TNFRSF19: variants seen among roughly 807,000 people sequenced by gnomAD.
TNFRSF19 encodes tumor necrosis factor receptor superfamily member 19.
A neutral mutation model predicts 46.4 loss-of-function variants in TNFRSF19; 27 were observed. The observed-to-expected ratio is 0.58, with a 90% CI of 0.43 to 0.80. The LOEUF (loss-of-function observed/expected upper bound fraction) is 0.80. Ranked by LOEUF, TNFRSF19 falls within the 30% of genes least tolerant of loss-of-function variation. The pLI is 0.00. For synonymous variants in TNFRSF19, 204 were observed against 205.0 expected (o/e 1.00, Z 0.04); for missense variants, 511 against 530.8 (o/e 0.96, Z 0.37).
chr13:23,655,339 C>A (rs1384404263), intron 5 of TNFRSF19, among the ~76,000 whole-genome samples: 2 of 152,182 alleles, frequency 1.3e-5, no homozygotes, highest in Admixed American at 1.3e-4. Flanking sequence ...AATCCTTGCT[C>A]TGAAGTAAAT....
chr13:23,614,019 G>C (rs1881079295), intron 3 of TNFRSF19, among the ~76,000 whole-genome samples: 1 of 152,150 alleles, frequency 6.6e-6, no homozygotes, highest in African/African-American at 2.4e-5. Flanking sequence ...CCCCTCCTCT[G>C]AAAGAGATAA....
chr13:23,571,078 C>A (rs539589554), intron 1 of TNFRSF19, among the ~76,000 whole-genome samples: 1 of 152,248 alleles, frequency 6.6e-6, no homozygotes, highest in Admixed American at 6.5e-5. Context: ...GTCTGTCATA[C>A]AAATTTTACT....
In TNFRSF19 at chr13:23,659,918, G is replaced by A. The variant is rs150670961; in HGVS notation, c.611-447G>A. Among the ~76,000 whole-genome samples the A allele has an allele frequency of 6.4e-3, 981 of 152,258 alleles. 15 individuals are homozygous for A. Among genetic ancestry groups the A allele is most frequent in the African/African-American group, 0.022 (934 of 41,538 alleles). On this transcript the variant is annotated intron_variant, in intron 6 of 9. Transcript: ENST00000248484. This position sits in a 1 kb window ranked among gnomAD's most constrained non-coding sequence, Gnocchi z 4.9. ...GATTTACTCTTCATTAAGTGGAAGC[G>A]GATCATTGTAAAGGCCTTCATCCTC...
intron 1 of TNFRSF19, among the ~76,000 whole-genome samples, chr13:23,579,756 G>T (rs1461821822): frequency 2.0e-5 from 3 of 152,028 alleles, no homozygotes; most frequent in Non-Finnish European, 4.4e-5. Flanking sequence ...GGAGGGGAGC[G>T]TGTGAATTCA....
intron 3 of TNFRSF19, among the ~76,000 whole-genome samples, chr13:23,609,977 T>A (rs1273298135): frequency 6.6e-6 from 1 of 152,208 alleles, no homozygotes; most frequent in Non-Finnish European, 1.5e-5. Context: ...AAATATCTCT[T>A]CAATGTTGTT....
intron 1 of TNFRSF19, among the ~76,000 whole-genome samples, chr13:23,581,330 T>G (rs1009597563): frequency 2.6e-5 from 4 of 152,166 alleles, no homozygotes; most frequent in South Asian, 4.2e-4. Context: ...GTATTTTTAG[T>G]AGAGACAGGG....
At chr13:23,579,297 G>C (rs1484378937) in intron 1 of TNFRSF19, 2 of 152,320 alleles carry the variant, frequency 1.3e-5, no homozygotes, top group East Asian at 1.9e-4. Context: ...CGGTGAGGGC[G>C]GGGCCCGGGT....
intron 2 of TNFRSF19, among the ~76,000 whole-genome samples, chr13:23,590,857 C>G (rs892933020): frequency 5.7e-4 from 86 of 152,136 alleles, no homozygotes; most frequent in African/African-American, 2.0e-3. Flanking sequence ...AGGCATATAT[C>G]TCTTGTAACA....
Position 23,599,339 on chromosome 13 carries a change from A to G in TNFRSF19, c.180+5884A>G, listed in dbSNP as rs190597739. Among the ~76,000 whole-genome samples, 8 of 152,316 alleles carry G rather than the reference A, an allele frequency of 5.3e-5. No individual in the cohort carries two copies. In the East Asian group the frequency reaches 1.2e-3, roughly 22 times the overall value. On this transcript the variant is annotated intron_variant, in intron 3 of 9. Coordinates refer to ENST00000248484, the MANE Select transcript of TNFRSF19 (RefSeq NM_148957.4). Reference sequence around the variant, plus strand: ...GCTGATGGAAAGAGTGAAACTCTGTAAAATATTTGAAGAGATTTATTCTGA... The same window carrying G: ...GCTGATGGAAAGAGTGAAACTCTGTGAAATATTTGAAGAGATTTATTCTGA...
chr13:23,608,024 G>A (rs1426095325), intron 3 of TNFRSF19, among the ~76,000 whole-genome samples: 1 of 152,132 alleles, frequency 6.6e-6, no homozygotes, highest in Non-Finnish European at 1.5e-5. Flanking sequence ...AGTCAGGGCT[G>A]GCTGGGGCTT....
At chr13:23,614,580 T>G (rs1017825253) in intron 3 of TNFRSF19, among the ~76,000 whole-genome samples, 4 of 152,082 alleles carry the variant, frequency 2.6e-5, no homozygotes, top group Non-Finnish European at 4.4e-5. Flanking sequence ...CAGTCTGCAT[T>G]TGTGGGCATG....
chr13:23,573,657 C>G (rs1192627155), intron 1 of TNFRSF19, among the ~76,000 whole-genome samples: 1 of 152,156 alleles, frequency 6.6e-6, no homozygotes, highest in Admixed American at 6.5e-5. Flanking sequence ...CTTCAGTTGA[C>G]AAACTCAATG....
At chr13:23,594,328 G>A in intron 3 of TNFRSF19, 1 of 449,552 alleles carries the variant, frequency 2.2e-6, no homozygotes, top group Non-Finnish European at 4.5e-6. Context: ...AACTCCCATG[G>A]AGCCCAGCAA....
chr13:23,668,017 G>T lies in TNFRSF19; in HGVS notation c.774G>T (p.Glu258Asp). 6.2e-7 allele frequency: 1 copy of T among 1,610,434 alleles called. No individual in the cohort carries two copies. Residue 258 changes from glutamate (E) to aspartate (D), a missense_variant, in exon 8 of 10, where the codon GAG becomes GAT. This residue lies in a region of TNFRSF19 where 376 missense variants were observed against 372.7 expected (regional missense o/e 1.01). Coordinates refer to ENST00000248484, the MANE Select transcript of TNFRSF19 (RefSeq NM_148957.4). ...VRLLPSMCCE[E>D]ACSPNPATLG... The stretch of plus-strand genomic sequence containing the variant: ...TGCTCCCATCCATGTGCTGTGAGGA[G>T]GCCTGCAGCCCCAACCCGGCGACTC...
intron 4 of TNFRSF19, among the ~76,000 whole-genome samples, chr13:23,621,106 CAG>C: frequency 6.6e-6 from 1 of 152,154 alleles, no homozygotes; most frequent in South Asian, 2.1e-4. Context: ...ATGGGAATCA[CAG>C]GGACTGCCTC....
At position 23,659,833 on chromosome 13, in the gene TNFRSF19, C is replaced by T. The variant is rs141961883; in HGVS notation, c.611-532C>T. 4.1e-3 allele frequency among the ~76,000 whole-genome samples: 629 copies of T among 152,226 alleles called. 4 individuals are homozygous for T. Among genetic ancestry groups the T allele is most frequent in the African/African-American group, 0.014 (586 of 41,542 alleles). On this transcript the variant is annotated intron_variant, in intron 6 of 9. Transcript: ENST00000248484. This position sits in a 1 kb window ranked among gnomAD's most constrained non-coding sequence, Gnocchi z 4.9. The stretch of plus-strand genomic sequence containing the variant: ...ATATGTATTATGCCCTGTATTCTTA[C>T]ATTAAAGTAAGCTAGAGAAAAGAAA...
At chr13:23,606,761 G>A (rs924772939) in intron 3 of TNFRSF19, among the ~76,000 whole-genome samples, 1 of 152,136 alleles carries the variant, frequency 6.6e-6, no homozygotes, top group Admixed American at 6.5e-5. Flanking sequence ...CAACAGAGAG[G>A]CAAAGGATTC....
chr13:23,622,291 C>A (rs1348394964), intron 4 of TNFRSF19, among the ~76,000 whole-genome samples: 1 of 151,988 alleles, frequency 6.6e-6, no homozygotes, highest in African/African-American at 2.4e-5. Context: ...TGCCTGTAAT[C>A]CCAGCTACTT....
At chr13:23,638,363 G>T (rs1259455864) in intron 5 of TNFRSF19, among the ~76,000 whole-genome samples, 1 of 152,178 alleles carries the variant, frequency 6.6e-6, no homozygotes, top group East Asian at 1.9e-4. Flanking sequence ...TGCCAAAGAG[G>T]ATCCTGAAGC....
Sources: gnomAD v4.1 joint callset for allele counts (sites outside exome capture counted in the v4.1 genomes callset) on GRCh38, gnomAD v4.1.1 for gene constraint, gnomAD v4.1.1 regional missense constraint, Gnocchi (gnomAD v3.1) non-coding constraint, MANE v1.5 for transcripts, NCBI Gene and HGNC (gene_info 2026-07-23, HGNC 2026-07-21) for gene names.